POGK: variants seen among roughly 807,000 people sequenced by gnomAD.
POGK encodes the protein pogo transposable element with KRAB domain.
In POGK, 16 loss-of-function variants were observed where a neutral mutation model predicts 54.4. That is an observed-to-expected ratio of 0.29 (90% confidence interval 0.20 to 0.45). The LOEUF is 0.45. POGK is among the 20% of genes least tolerant of loss of function. POGK has a pLI of 1.00. For missense variants in POGK, 515 were observed against 795.6 expected (o/e 0.65, Z 4.24); for synonymous variants, 271 against 302.2 (o/e 0.90, Z 1.07).
chr1:166,850,194 G>T lies in POGK; in HGVS notation c.1615G>T (p.Ala539Ser). The T allele has an allele frequency of 6.4e-7, 1 of 1,555,574 alleles. No homozygotes were observed. The highest frequency in any genetic ancestry group is 8.7e-7 in the Non-Finnish European group (1 of 1,149,004). Residue 539 changes from alanine to serine, a missense_variant, in exon 5 of 6, where the codon GCT becomes TCT. Coordinates refer to ENST00000367876, the MANE Select transcript of POGK (RefSeq NM_017542.5). ...GNLALSPTGN[A>S]KKPPLGLFLE... is the part of the protein sequence containing the mutation. ...CCTGGCGCTGAGCCCAACCGGGAAT[G>T]CTAAGAAGCCACCCCTGGGCCTCTT...
At position 166,856,207 on chromosome 1, in the gene POGK, A is replaced by T. The variant is rs1452859381; in HGVS notation, c.*3637A>T. 1 of 152,000 alleles carries T rather than the reference A, an allele frequency of 6.6e-6. No homozygotes were observed. The highest frequency in any genetic ancestry group is 6.6e-5 in the Admixed American group (1 of 15,242). 9.4% of individuals were successfully genotyped at this position (152,000 alleles called of 1,614,324 possible). A position where few individuals can be genotyped will look rare whatever the true frequency, so the allele number is the denominator to read the frequency against. ...TAAATTAGCCGGGCATGGTGGTGTG[A>T]ATCTGTAGTCCCAGCTACTTAGGAG... On this transcript the variant is annotated 3_prime_UTR_variant, in exon 6 of 6. Coordinates refer to ENST00000367876, the MANE Select transcript of POGK (RefSeq NM_017542.5).
At chr1:166,850,949 G>A (rs12062326) in intron 5 of POGK, 27,407 of 152,346 alleles carry the variant, frequency 0.18, 3,037 homozygotes, top group East Asian at 0.56. Context: ...TGATTTATTT[G>A]TGTCTATTTT....
intron 2 of POGK, among the ~76,000 whole-genome samples, chr1:166,846,303 G>A (rs111502068): frequency 2.0e-5 from 3 of 152,190 alleles, no homozygotes; most frequent in African/African-American, 7.2e-5. Flanking sequence ...AGTGCATGAG[G>A]GTGCGATGTC....
chr1:166,845,559 G>A (rs552963456), intron 2 of POGK, among the ~76,000 whole-genome samples: 1 of 152,188 alleles, frequency 6.6e-6, no homozygotes, highest in Non-Finnish European at 1.5e-5. Context: ...CCCCTGAAGT[G>A]GCTGCAGGCT....
intron 4 of POGK, among the ~76,000 whole-genome samples, chr1:166,848,418 G>T (rs538157888): frequency 6.6e-6 from 1 of 152,294 alleles, no homozygotes; most frequent in South Asian, 2.1e-4. Flanking sequence ...TAATGTGCAA[G>T]AACTAATTTT....
At chr1:166,850,657 C>T (rs952123038) in intron 5 of POGK, 4 of 439,284 alleles carry the variant, frequency 9.1e-6, no homozygotes, top group South Asian at 8.4e-5. Context: ...ACCTGAGCTC[C>T]GCCCGCTGTC....
rs1295680207 is a variant in POGK at position 166,846,696 on chromosome 1, C to T, written c.217C>T (p.Arg73Trp). 17 of 1,613,984 alleles carry T rather than the reference C, an allele frequency of 1.1e-5. No individual in the cohort carries two copies. The highest frequency in any genetic ancestry group is 2.2e-5 in the South Asian group (2 of 91,084). ...GACGGAGCAACAAAAGGCCCTCTAC[C>T]GGGAAGTCATGAGGATGAATTATGA... ...VLTEQQKALY[R>W]EVMRMNYETV... The change falls in exon 3 of 6, where the codon CGG (arginine) becomes TGG (tryptophan). Residue 73 changes from arginine to tryptophan, a missense_variant. Arg to Trp is a moderately radical substitution (Grantham distance 101). Coordinates refer to ENST00000367876, the MANE Select transcript of POGK (RefSeq NM_017542.5).
intron 2 of POGK, among the ~76,000 whole-genome samples, chr1:166,842,443 ACT>A (rs1657555523): frequency 6.6e-6 from 1 of 152,096 alleles, no homozygotes; most frequent in Non-Finnish European, 1.5e-5. Context: ...GTAAAGAGAG[ACT>A]CTTTTCCTGA....
chr1:166,852,395 T>C (rs1398405130), intron 5 of POGK, 190 bp from the exon 6 acceptor site: 1 of 152,232 alleles, frequency 6.6e-6, no homozygotes, highest in African/African-American at 2.4e-5. Flanking sequence ...GCCACAATTC[T>C]CTCTGCAGCT....
At chr1:166,846,764 C>T in intron 3 of POGK, 26 bp downstream of exon 3, 1 of 1,613,362 alleles carries the variant, frequency 6.2e-7, no homozygotes, top group Non-Finnish European at 8.5e-7. Flanking sequence ...CCTTTGTCTC[C>T]TGGAAGCTCT....
rs1316028756 is a variant in POGK at position 166,855,945 on chromosome 1, G to GT, written c.*3378dup. The GT allele has an allele frequency of 6.6e-6, 1 of 152,152 alleles. No homozygotes were observed. The highest frequency in any genetic ancestry group is 1.5e-5 in the Non-Finnish European group (1 of 68,030). The allele number at this position is 152,152 out of a possible 1,614,324, so 9.4% of individuals were successfully genotyped here. On this transcript the variant is annotated 3_prime_UTR_variant, in exon 6 of 6. Coordinates refer to ENST00000367876, the MANE Select transcript of POGK (RefSeq NM_017542.5). Reference sequence around the variant, plus strand: ...TCCAAGCCCTAAAAATTCTTACGTAGTTTCTCACCTAAAACTAATGGCTTG... The same window carrying GT: ...TCCAAGCCCTAAAAATTCTTACGTAGTTTTCTCACCTAAAACTAATGGCTTG...
rs1557896978 is a variant in POGK, at chr1:166,840,948, C to T, written c.-2-7C>T. The T allele has an allele frequency of 6.2e-7, 1 of 1,613,758 alleles. No homozygotes were observed. Among genetic ancestry groups the T allele is most frequent in the East Asian group, 2.2e-5 (1 of 44,870 alleles). ...CTGGTTTTTCTGAACCTGAATCTTG[C>T]TTGCAGAGATGGAGTCCACAGCCTA... On this transcript the variant is annotated splice_polypyrimidine_tract_variant and splice_region_variant and intron_variant, in intron 1 of 5. Transcript: ENST00000367876.
Position 166,850,374 on chromosome 1 carries a change from G to C in POGK, c.1795G>C (p.Asp599His). 1 of 1,612,598 alleles carries C rather than the reference G, an allele frequency of 6.2e-7. No homozygotes were observed. The highest frequency in any genetic ancestry group is 1.1e-5 in the South Asian group (1 of 90,942). The stretch of plus-strand genomic sequence containing the variant: ...GCCAGGAGGAGGAGAACCACCAAAA[G>C]ATTGTGACACCGAAAGCATGGCTGA... ...ELPGGGEPPKDCDTESMAESN is the reference protein window; with the variant it reads ...ELPGGGEPPKHCDTESMAESN Residue 599 changes from aspartate to histidine, a missense_variant, in exon 5 of 6, where the codon GAT (aspartate) becomes CAT (histidine). Around this residue, in one of 2 missense-constraint regions of POGK, gnomAD observed 461 missense variants for 743.5 expected, o/e 0.62. Transcript: ENST00000367876.
At chr1:166,844,238 A>G (rs1471006167) in intron 2 of POGK, among the ~76,000 whole-genome samples, 5 of 152,168 alleles carry the variant, frequency 3.3e-5, no homozygotes, top group African/African-American at 1.2e-4. Flanking sequence ...CCAGGCCTAG[A>G]ATATGTTACC....
intron 5 of POGK, chr1:166,852,067 G>C (rs1658086940): frequency 6.6e-6 from 1 of 152,120 alleles, no homozygotes; most frequent in Admixed American, 6.6e-5. Context: ...CACCAAAATT[G>C]CTTTTTTTTC....
rs1452545819 is a variant in POGK at position 166,855,489 on chromosome 1, G to C, written c.*2919G>C. ...ATGTTTCAGGGGCTCTTGTGAAAAT[G>C]CTAAGTATTACTGTTTCTACCTTAC... On this transcript the variant is annotated 3_prime_UTR_variant, in exon 6 of 6. Transcript: ENST00000367876. 1.3e-5 allele frequency: 2 copies of C among 152,212 alleles called. No individual in the cohort carries two copies. The highest frequency in any genetic ancestry group is 2.9e-5 in the Non-Finnish European group (2 of 68,036). 9.4% of individuals were successfully genotyped at this position (152,212 alleles called of 1,614,324 possible).
At chr1:166,841,155 G>T in intron 2 of POGK, 67 bp downstream of exon 2, 1 of 1,588,208 alleles carries the variant, frequency 6.3e-7, no homozygotes, top group East Asian at 2.2e-5. Flanking sequence ...CTTGCTTTAA[G>T]TCTCCTCCTC....
chr1:166,842,585 G>T (rs1443584113), intron 2 of POGK, among the ~76,000 whole-genome samples: 1 of 152,234 alleles, frequency 6.6e-6, no homozygotes, highest in African/African-American at 2.4e-5. Context: ...CCTCATTCAG[G>T]CTGAGAACTC....
chr1:166,849,641 C>T lies in POGK; in HGVS notation c.1062C>T (p.Asp354=). ...TCCTGGCTCTGCGCAGGGCGCATGA[C>T]TATGAGGTAGCTCAGATGGGGAATG... The part of the protein sequence containing the change: ...RSVLALRRAH[D]YEVAQMGNAD... Residue 354 remains aspartate, a synonymous_variant, in exon 5 of 6, where the codon GAC becomes GAT. Coordinates refer to ENST00000367876, the MANE Select transcript of POGK (RefSeq NM_017542.5). 1 of 1,614,278 alleles carries T rather than the reference C, an allele frequency of 6.2e-7. No individual in the cohort carries two copies. Among genetic ancestry groups the T allele is most frequent in the East Asian group, 2.2e-5 (1 of 44,878 alleles).
Sources: allele counts gnomAD v4.1 joint callset (sites outside exome capture counted in the v4.1 genomes callset), GRCh38; gene constraint gnomAD v4.1.1; regional missense constraint gnomAD v4.1.1; transcripts MANE v1.5; gene names NCBI Gene and HGNC (gene_info 2026-07-23, HGNC 2026-07-21).